PCDHGC3: variants seen among roughly 807,000 people sequenced by gnomAD.
PCDHGC3 encodes the protein protocadherin gamma-C3.
In PCDHGC3, 26 loss-of-function variants were observed where a neutral mutation model predicts 59.2. The observed-to-expected ratio is 0.44, with a 90% CI of 0.32 to 0.61. PCDHGC3 has a LOEUF of 0.61. Ranked by LOEUF, PCDHGC3 falls within the 20% of genes least tolerant of loss-of-function variation. The probability of loss-of-function intolerance (pLI) is 0.05; values close to 1 mark genes in which losing one functional copy is unlikely to be tolerated. For missense variants in PCDHGC3, 1,080 were observed against 1,221.8 expected (o/e 0.88, Z 1.73); for synonymous variants, 487 against 519.7 (o/e 0.94, Z 0.86).
At position 141,485,566 on chromosome 5, in the gene PCDHGC3, C is replaced by T. The variant is rs768144422; in HGVS notation, c.2430+7020C>T. The T allele has an allele frequency of 6.2e-7, 1 of 1,612,926 alleles. No homozygotes were observed. Among genetic ancestry groups the T allele is most frequent in the African/African-American group, 1.3e-5 (1 of 75,016 alleles). ...TCGTAGATGTGAATGATCACGCCCC[C>T]CGTTTTCCGCGGCAGCAGCTGGACT... On this transcript the variant is annotated intron_variant, in intron 1 of 3. Transcript: ENST00000308177. The surrounding 1 kb of genome is among the most constrained non-coding windows in gnomAD (Gnocchi z 5.7).
chr5:141,510,209 G>T (rs1294961681), intron 3 of PCDHGC3, among the ~76,000 whole-genome samples: 12 of 151,440 alleles, frequency 7.9e-5, no homozygotes, highest in African/African-American at 2.9e-4. Flanking sequence ...GGAGGCAGAG[G>T]TTGCAGTGAG....
Position 141,486,814 on chromosome 5 carries a change from C to T in PCDHGC3, c.2431-7993C>T, listed in dbSNP as rs1048351154. On this transcript the variant is annotated intron_variant, in intron 1 of 3. Transcript: ENST00000308177. The surrounding 1 kb of genome is among the most constrained non-coding windows in gnomAD (Gnocchi z 5.0). ...ATCGGGGCAACCCACCCCTTAGCAG[C>T]ACTGTAACAGTTCGTCTATTTGTGC... 1.2e-6 allele frequency: 2 copies of T among 1,614,122 alleles called. No individual in the cohort carries two copies. Among genetic ancestry groups the T allele is most frequent in the Non-Finnish European group, 1.7e-6 (2 of 1,180,052 alleles).
At chr5:141,496,844 T>G (rs1275272674) in intron 2 of PCDHGC3, among the ~76,000 whole-genome samples, 2 of 150,852 alleles carry the variant, frequency 1.3e-5, no homozygotes, top group Non-Finnish European at 2.9e-5. Context: ...CTCATAGGCT[T>G]CCAGACCAGC....
chr5:141,491,685 G>A lies in PCDHGC3; in HGVS notation c.2431-3122G>A. 1 of 1,613,164 alleles carries A rather than the reference G, an allele frequency of 6.2e-7. No individual in the cohort carries two copies. The highest frequency in any genetic ancestry group is 8.5e-7 in the Non-Finnish European group (1 of 1,179,646). On this transcript the variant is annotated intron_variant, in intron 1 of 3. Transcript: ENST00000308177. The surrounding 1 kb of genome is among the most constrained non-coding windows in gnomAD (Gnocchi z 6.9). ...CCATCCGGTCCCGCTCTAATACGCTGCGGGAGCGGAGCCAGGTGAGGGGCT... is the reference window on the plus strand; with the variant it reads ...CCATCCGGTCCCGCTCTAATACGCTACGGGAGCGGAGCCAGGTGAGGGGCT...
rs754462129 is a variant in PCDHGC3, at chr5:141,490,693, G to T, written c.2431-4114G>T. 6.2e-7 allele frequency: 1 copy of T among 1,614,170 alleles called. No homozygotes were observed. Among genetic ancestry groups the T allele is most frequent in the South Asian group, 1.1e-5 (1 of 91,072 alleles). On this transcript the variant is annotated intron_variant, in intron 1 of 3. Transcript: ENST00000308177. This position sits in a 1 kb window ranked among gnomAD's most constrained non-coding sequence, Gnocchi z 5.4. Reference sequence around the variant, plus strand: ...GGCTGCCTCAGATCCAGACACTGGGGATAATGCCCGCCTCACCTACTCCAT... The same window carrying T: ...GGCTGCCTCAGATCCAGACACTGGGTATAATGCCCGCCTCACCTACTCCAT...
Position 141,490,809 on chromosome 5 carries a change from C to T in PCDHGC3, c.2431-3998C>T. On this transcript the variant is annotated intron_variant, in intron 1 of 3. Transcript: ENST00000308177. The surrounding 1 kb of genome is among the most constrained non-coding windows in gnomAD (Gnocchi z 5.4). Reference sequence around the variant, plus strand: ...GGATCTTTGCCCAGCGTACCTTTGACTATGAATTGCTGCAGATGCTGCAGA... The same window carrying T: ...GGATCTTTGCCCAGCGTACCTTTGATTATGAATTGCTGCAGATGCTGCAGA... 2 of 1,613,954 alleles carry T rather than the reference C, an allele frequency of 1.2e-6. No individual in the cohort carries two copies. Among genetic ancestry groups the T allele is most frequent in the South Asian group, 2.2e-5 (2 of 91,076 alleles).
intron 2 of PCDHGC3, among the ~76,000 whole-genome samples, chr5:141,501,109 C>G (rs909874167): frequency 2.0e-5 from 3 of 152,106 alleles, no homozygotes; most frequent in Non-Finnish European, 4.4e-5. Context: ...CCTCGTGATC[C>G]GCCTGCCTCA....
At position 141,491,832 on chromosome 5, in the gene PCDHGC3, C is replaced by T. The variant is rs755882255; in HGVS notation, c.2431-2975C>T. On this transcript the variant is annotated intron_variant, in intron 1 of 3. Coordinates refer to ENST00000308177, the MANE Select transcript of PCDHGC3 (RefSeq NM_002588.4). The surrounding 1 kb of genome is among the most constrained non-coding windows in gnomAD (Gnocchi z 6.9). ...GTCGCTGGCTGCGCTCCACCCGATT[C>T]TCGGGATCATTGGACCGTTTGCGCG... 1.6e-5 allele frequency: 24 copies of T among 1,474,306 alleles called. No individual in the cohort carries two copies. The highest frequency in any genetic ancestry group is 2.0e-5 in the Non-Finnish European group (22 of 1,112,688). 91.3% of individuals were successfully genotyped at this position (1,474,306 alleles called of 1,614,324 possible). A position where few individuals can be genotyped will look rare whatever the true frequency, so the allele number is the denominator to read the frequency against.
intron 1 of PCDHGC3, chr5:141,478,813 A>G (rs2099478658): frequency 4.8e-6 from 7 of 1,453,346 alleles, no homozygotes; most frequent in Non-Finnish European, 6.3e-6. Context: ...TGCTATCACA[A>G]CTAACCAATC....
At chr5:141,509,670 T>G (rs2099877782) in intron 3 of PCDHGC3, among the ~76,000 whole-genome samples, 1 of 152,136 alleles carries the variant, frequency 6.6e-6, no homozygotes, top group African/African-American at 2.4e-5. Flanking sequence ...TGGGCCCCAG[T>G]TTCTTCTTCT....
rs775712620 is a variant in PCDHGC3, at chr5:141,491,341, G to T, written c.2431-3466G>T. 1 of 1,613,982 alleles carries T rather than the reference G, an allele frequency of 6.2e-7. No homozygotes were observed. The highest frequency in any genetic ancestry group is 8.5e-7 in the Non-Finnish European group (1 of 1,180,016). ...TTACCTCATTGTGGCTCTAGCGACC[G>T]TCAGTCTCTTATCCCTAGTCACCTT... On this transcript the variant is annotated intron_variant, in intron 1 of 3. Coordinates refer to ENST00000308177, the MANE Select transcript of PCDHGC3 (RefSeq NM_002588.4). The surrounding 1 kb of genome is among the most constrained non-coding windows in gnomAD (Gnocchi z 6.9).
rs547854431 is a variant in PCDHGC3, at chr5:141,476,383, C to A, written c.267C>A (p.Asn89Lys). 1.2e-6 allele frequency: 2 copies of A among 1,614,102 alleles called. No homozygotes were observed. Among genetic ancestry groups the A allele is most frequent in the African/African-American group, 1.3e-5 (1 of 75,014 alleles). Residue 89 changes from asparagine (N) to lysine (K), a missense_variant, in exon 1 of 4, where the codon AAC (asparagine) becomes AAA (lysine). Asn to Lys is a moderately conservative substitution (Grantham distance 94). Transcript: ENST00000308177. The surrounding 1 kb of genome is among the most constrained non-coding windows in gnomAD (Gnocchi z 7.6). ...GGGAGACCGGAGAGATGTTTGTGAA[C>A]GACCGTCTGGATCGAGAGGAGCTGT... ...VNRETGEMFV[N>K]DRLDREELCG...
chr5:141,511,276 T>A lies in PCDHGC3; in HGVS notation c.*103T>A. ...AGAGTTTCAGGGCTAACCCCCAGAA[T>A]ACTGGTAGGGGCCAAGGCCATGCTC... On this transcript the variant is annotated 3_prime_UTR_variant, in exon 4 of 4. Coordinates refer to ENST00000308177, the MANE Select transcript of PCDHGC3 (RefSeq NM_002588.4). 6.5e-7 allele frequency: 1 copy of A among 1,538,086 alleles called. No homozygotes were observed. Among genetic ancestry groups the A allele is most frequent in the Non-Finnish European group, 8.8e-7 (1 of 1,140,722 alleles).
chr5:141,491,126 G>A lies in PCDHGC3; in HGVS notation c.2431-3681G>A, dbSNP rs768294944. 1.4e-5 allele frequency: 23 copies of A among 1,613,978 alleles called. No individual in the cohort carries two copies. In the East Asian group the frequency reaches 3.1e-4, roughly 22 times the overall value. On this transcript the variant is annotated intron_variant, in intron 1 of 3. Transcript: ENST00000308177. This position sits in a 1 kb window ranked among gnomAD's most constrained non-coding sequence, Gnocchi z 6.9. ...GTGTCTACACACACTGGTGAGGTGCGCACAGCCCGGGCCTTACTGGAGGAT... is the reference window on the plus strand; with the variant it reads ...GTGTCTACACACACTGGTGAGGTGCACACAGCCCGGGCCTTACTGGAGGAT...
intron 2 of PCDHGC3, among the ~76,000 whole-genome samples, chr5:141,496,639 C>A (rs752903356): frequency 6.6e-6 from 1 of 152,222 alleles, no homozygotes; most frequent in Non-Finnish European, 1.5e-5. Flanking sequence ...TTGGGCTGCC[C>A]TTGCCCTTCC....
intron 3 of PCDHGC3, among the ~76,000 whole-genome samples, chr5:141,509,335 G>C (rs113423267): frequency 6.6e-6 from 1 of 152,144 alleles, no homozygotes; most frequent in African/African-American, 2.4e-5. Context: ...CTGCCAGCTG[G>C]GCCTGGGCTG....
intron 2 of PCDHGC3, among the ~76,000 whole-genome samples, chr5:141,503,800 C>T (rs756250566): frequency 1.3e-5 from 2 of 151,994 alleles, no homozygotes; most frequent in South Asian, 2.1e-4. Flanking sequence ...TACTTAGGGA[C>T]GGGGAATCCC....
At chr5:141,478,598 A>C in intron 1 of PCDHGC3, 52 bp downstream of exon 1, 1 of 1,566,350 alleles carries the variant, frequency 6.4e-7, no homozygotes, top group South Asian at 1.2e-5. Flanking sequence ...TTATTCCTAC[A>C]TCATATTGAG....
intron 1 of PCDHGC3, among the ~76,000 whole-genome samples, chr5:141,488,225 T>G (rs2099673126): frequency 6.6e-6 from 1 of 152,136 alleles, no homozygotes. Flanking sequence ...CTACTGGGGA[T>G]TTGAACTAGA....
Sources: allele counts gnomAD v4.1 joint callset (sites outside exome capture counted in the v4.1 genomes callset), GRCh38; gene constraint gnomAD v4.1.1; non-coding constraint Gnocchi (gnomAD v3.1); transcripts MANE v1.5; gene names NCBI Gene and HGNC (gene_info 2026-07-23, HGNC 2026-07-21).